Variants in PID1 observed in about 807,000 individuals in gnomAD.
The protein encoded by PID1 is PTB-containing, cubilin and LRP1-interacting protein.
A neutral mutation model predicts 19.1 loss-of-function variants in PID1; 10 were observed. The observed-to-expected ratio is 0.52, with a 90% CI of 0.32 to 0.89. The LOEUF (loss-of-function observed/expected upper bound fraction) is 0.89. Ranked by LOEUF, PID1 falls within the 40% of genes least tolerant of loss-of-function variation. The pLI is 0.03. For missense variants in PID1, 248 were observed against 285.3 expected, an observed-to-expected ratio of 0.87 and a Z score of 0.94; for synonymous variants, 130 against 116.0, an observed-to-expected ratio of 1.12 and a Z score of -0.78.
chr2:229,221,044 G>T (rs925632758), intron 1 of PID1, among the ~76,000 whole-genome samples: 1 of 152,146 alleles, frequency 6.6e-6, no homozygotes, highest in Non-Finnish European at 1.5e-5. Flanking sequence ...TTGCCCCCTT[G>T]TATTGCTGTT....
chr2:229,186,472 G>A (rs1691134392), intron 1 of PID1, among the ~76,000 whole-genome samples: 1 of 152,176 alleles, frequency 6.6e-6, no homozygotes, highest in African/African-American at 2.4e-5. Flanking sequence ...GCAAACTTTG[G>A]TGTACTAGCA....
At chr2:229,156,335 T>TG (rs1690373072) in intron 1 of PID1, among the ~76,000 whole-genome samples, 1 of 152,206 alleles carries the variant, frequency 6.6e-6, no homozygotes, top group African/African-American at 2.4e-5. Flanking sequence ...GGGGTTATTT[T>TG]GGGAAAAGTC....
Position 229,025,593 on chromosome 2 carries a change from G to A in PID1, c.*39C>T, listed in dbSNP as rs752780731. The A allele has an allele frequency of 1.2e-5, 18 of 1,479,446 alleles. No individual in the cohort carries two copies. The highest frequency in any genetic ancestry group is 8.6e-5 in the Admixed American group (5 of 58,040). 91.6% of individuals were successfully genotyped at this position (1,479,446 alleles called of 1,614,324 possible). A position where few individuals can be genotyped will look rare whatever the true frequency, so the allele number is the denominator to read the frequency against. On this transcript the variant is annotated 3_prime_UTR_variant, in exon 3 of 3. Transcript: ENST00000392055. The stretch of plus-strand genomic sequence containing the variant: ...TTACTCATCTATTCCCTTGAACTCC[G>A]TGACCAATGCTGCCTTTGCTGAAGC...
chr2:229,271,230 G>C lies in PID1; in HGVS notation c.-187C>G. 2 of 529,534 alleles carry C rather than the reference G, an allele frequency of 3.8e-6. No homozygotes were observed. The allele number at this position is 529,534 out of a possible 1,614,324, so 32.8% of individuals were successfully genotyped here. ...GGAGGAGGCGCGGCGCTCAGCTGCC[G>C]GCAACTTGTGGGCACGGCCGCGCGC... On this transcript the variant is annotated 5_prime_UTR_variant, in exon 1 of 3. Coordinates refer to ENST00000392055, the MANE Select transcript of PID1 (RefSeq NM_001100818.2).
chr2:229,161,313 T>C (rs1400944256), intron 1 of PID1, among the ~76,000 whole-genome samples: 1 of 152,030 alleles, frequency 6.6e-6, no homozygotes, highest in Non-Finnish European at 1.5e-5. Context: ...TCCTGAGAAA[T>C]GGAAAGACAG....
chr2:229,244,139 G>A (rs1365972916), intron 1 of PID1, among the ~76,000 whole-genome samples: 2 of 152,098 alleles, frequency 1.3e-5, no homozygotes. Flanking sequence ...GTTCTCAACT[G>A]AAAACTCATG....
chr2:229,069,969 T>C (rs984803929), intron 2 of PID1, among the ~76,000 whole-genome samples: 1 of 152,230 alleles, frequency 6.6e-6, no homozygotes, highest in Non-Finnish European at 1.5e-5. Flanking sequence ...AAAGCACCTA[T>C]ATCTGAACAT....
chr2:229,158,391 T>A (rs929862527), intron 1 of PID1, among the ~76,000 whole-genome samples: 3 of 152,156 alleles, frequency 2.0e-5, no homozygotes, highest in Non-Finnish European at 2.9e-5. Flanking sequence ...TTCCTATAAT[T>A]TATCCCTACT....
At chr2:229,205,288 AT>A (rs1331267749) in intron 1 of PID1, among the ~76,000 whole-genome samples, 3 of 151,660 alleles carry the variant, frequency 2.0e-5, no homozygotes, top group Non-Finnish European at 4.4e-5. Context: ...CACATACTAT[AT>A]TTTTTACAGC....
intron 1 of PID1, among the ~76,000 whole-genome samples, chr2:229,211,972 A>T (rs1473930539): frequency 6.6e-6 from 1 of 152,252 alleles, no homozygotes; most frequent in Non-Finnish European, 1.5e-5. Context: ...AGTAAATCAG[A>T]ATCTTAGTTG....
intron 2 of PID1, among the ~76,000 whole-genome samples, chr2:229,138,661 T>C (rs1159608886): frequency 6.6e-6 from 1 of 152,026 alleles, no homozygotes; most frequent in East Asian, 1.9e-4. Flanking sequence ...TCCCAACATA[T>C]CTGATTTCCC....
intron 2 of PID1, among the ~76,000 whole-genome samples, chr2:229,094,273 T>C (rs1035547171): frequency 2.6e-5 from 4 of 151,946 alleles, no homozygotes; most frequent in African/African-American, 7.3e-5. Context: ...CAAAACACTA[T>C]TGAAAGAAAT....
rs367875664 is a variant in PID1, at chr2:229,071,944, T to A, written c.178-45836A>T. Among the ~76,000 whole-genome samples, 4 of 152,214 alleles carry A rather than the reference T, an allele frequency of 2.6e-5. No individual in the cohort carries two copies. In the East Asian group the frequency reaches 7.7e-4, roughly 29 times the overall value. On this transcript the variant is annotated intron_variant, in intron 2 of 2. Coordinates refer to ENST00000392055, the MANE Select transcript of PID1 (RefSeq NM_001100818.2). The stretch of plus-strand genomic sequence containing the variant: ...TCTATGCCATCCTTATAAAAGTAAT[T>A]TAAGTAACAGACATAATATAGAAAT...
chr2:229,033,030 C>T (rs926044247), intron 2 of PID1, among the ~76,000 whole-genome samples: 20 of 152,138 alleles, frequency 1.3e-4, no homozygotes, highest in African/African-American at 4.8e-4. Context: ...ATCACCATTC[C>T]CTGCTCATCT....
chr2:229,262,822 C>A, intron 1 of PID1: 1 of 1,550,690 alleles, frequency 6.4e-7, no homozygotes, highest in Non-Finnish European at 8.7e-7. Flanking sequence ...GCTTATGATG[C>A]CATAACTCCG....
chr2:229,151,817 G>A (rs1020374570), intron 2 of PID1, among the ~76,000 whole-genome samples: 13 of 152,212 alleles, frequency 8.5e-5, no homozygotes, highest in African/African-American at 2.4e-4. Flanking sequence ...TGATCCGCCC[G>A]CCTCGGCCTC....
chr2:229,231,880 A>G, intron 1 of PID1: 1 of 1,549,272 alleles, frequency 6.5e-7, no homozygotes, highest in African/African-American at 1.4e-5. Flanking sequence ...ACGAAATACC[A>G]CAGAGTAGAT....
At chr2:229,249,624 C>G (rs888161286) in intron 1 of PID1, among the ~76,000 whole-genome samples, 2 of 152,014 alleles carry the variant, frequency 1.3e-5, no homozygotes, top group African/African-American at 4.8e-5. Context: ...AAAAGAAAAA[C>G]AAGAATGAGC....
chr2:229,053,592 C>T (rs1694036923), intron 2 of PID1, among the ~76,000 whole-genome samples: 1 of 152,228 alleles, frequency 6.6e-6, no homozygotes, highest in African/African-American at 2.4e-5. Context: ...GCCCGAGGAA[C>T]AGCCTCAGTT....
Sources: gnomAD v4.1 joint callset for allele counts (sites outside exome capture counted in the v4.1 genomes callset) on GRCh38, gnomAD v4.1.1 for gene constraint, MANE v1.5 for transcripts, NCBI Gene and HGNC (gene_info 2026-07-23, HGNC 2026-07-21) for gene names.